Variants in PLXNA2 observed in about 807,000 individuals in gnomAD.
PLXNA2 encodes plexin-A2.
In PLXNA2, 91 loss-of-function variants were observed where a neutral mutation model predicts 193.5. The ratio of observed to expected loss-of-function variants is 0.47; its 90% CI spans 0.40 to 0.56. The LOEUF is 0.56. Among genes scored for constraint, PLXNA2 ranks in the 20% least tolerant of loss-of-function variants. PLXNA2 has a pLI of 0.00. For synonymous variants in PLXNA2, 997 were observed against 1,027.3 expected (o/e 0.97, Z 0.56); for missense variants, 1,995 against 2,503.2 (o/e 0.80, Z 4.33).
intron 12 of PLXNA2, among the ~76,000 whole-genome samples, chr1:208,078,099 A>G (rs1027863160): frequency 6.6e-6 from 1 of 152,202 alleles, no homozygotes; most frequent in African/African-American, 2.4e-5. Flanking sequence ...TCTGCCACTT[A>G]TCAGCGGTAT....
At chr1:208,154,528 C>T (rs2102503438) in intron 3 of PLXNA2, among the ~76,000 whole-genome samples, 1 of 152,186 alleles carries the variant, frequency 6.6e-6, no homozygotes, top group Admixed American at 6.5e-5. Context: ...GCATGGATGA[C>T]CAAGGACTAA....
intron 12 of PLXNA2, among the ~76,000 whole-genome samples, chr1:208,069,550 G>T (rs73083065): frequency 0.27 from 40,813 of 152,100 alleles, 5,602 homozygotes; most frequent in East Asian, 0.36. Context: ...GATGCGAAGG[G>T]CTGCACTGGG....
intron 4 of PLXNA2, among the ~76,000 whole-genome samples, chr1:208,131,539 G>T (rs1401259268): frequency 6.6e-6 from 1 of 152,186 alleles, no homozygotes; most frequent in Non-Finnish European, 1.5e-5. Flanking sequence ...GCTCTGGGGT[G>T]TCATTCCGGG....
At chr1:208,060,892 C>T in intron 12 of PLXNA2, 55 bp from the exon 13 acceptor site, 2 of 1,550,160 alleles carry the variant, frequency 1.3e-6, no homozygotes, top group South Asian at 1.1e-5. Flanking sequence ...ACAGAAACAG[C>T]AGCACCCTTC....
At chr1:208,029,174 G>T (rs1259441941) in intron 29 of PLXNA2, 132 bp from the exon 30 acceptor site, 3 of 1,466,226 alleles carry the variant, frequency 2.0e-6, no homozygotes, top group Non-Finnish European at 2.7e-6. Flanking sequence ...GAAGAAAATG[G>T]GTCCAGCCAG....
intron 3 of PLXNA2, among the ~76,000 whole-genome samples, chr1:208,158,778 TAA>T (rs1039377489): frequency 1.3e-5 from 2 of 152,194 alleles, no homozygotes; most frequent in African/African-American, 4.8e-5. Context: ...AGTTTGTTGT[TAA>T]AAGAGATTTG....
chr1:208,067,016 C>G (rs770670133), intron 12 of PLXNA2, among the ~76,000 whole-genome samples: 1 of 152,068 alleles, frequency 6.6e-6, no homozygotes. Flanking sequence ...TACAAAGAGT[C>G]AAAAGGTTAA....
At chr1:208,100,947 C>T (rs1046046046) in intron 5 of PLXNA2, among the ~76,000 whole-genome samples, 22 of 152,334 alleles carry the variant, frequency 1.4e-4, no homozygotes, top group African/African-American at 5.3e-4. Context: ...CTAGTGATTC[C>T]ACAATCAAGC....
chr1:208,067,240 A>G (rs572499470), intron 12 of PLXNA2, among the ~76,000 whole-genome samples: 46 of 151,782 alleles, frequency 3.0e-4, no homozygotes, highest in Middle Eastern at 3.4e-3. Flanking sequence ...GCTACTCGGG[A>G]GGCTGAGGCA....
chr1:208,184,568 T>C (rs1669940567), intron 3 of PLXNA2, among the ~76,000 whole-genome samples: 1 of 152,058 alleles, frequency 6.6e-6, no homozygotes, highest in Non-Finnish European at 1.5e-5. Flanking sequence ...AGGCTGGGGA[T>C]GAAGCAAGCA....
At chr1:208,186,913 G>T (rs1670025453) in intron 3 of PLXNA2, among the ~76,000 whole-genome samples, 1 of 150,456 alleles carries the variant, frequency 6.6e-6, no homozygotes, top group Admixed American at 6.6e-5. Flanking sequence ...AGTAGAGACG[G>T]GGTTTCACCT....
intron 9 of PLXNA2, among the ~76,000 whole-genome samples, chr1:208,090,632 G>A (rs1013129746): frequency 6.6e-6 from 1 of 152,278 alleles, no homozygotes; most frequent in East Asian, 1.9e-4. Context: ...TCAGCTGCAG[G>A]TCGCTTTCAG....
rs1234331334 is a variant in PLXNA2, at chr1:208,023,913, T to C, written c.*3330A>G. The stretch of plus-strand genomic sequence containing the variant: ...ACAGCTGATCCATGCTTTTAATGAC[T>C]GAACTCTGTAAAGAGGGGAACCCTC... On this transcript the variant is annotated 3_prime_UTR_variant, in exon 32 of 32. Transcript: ENST00000367033. 1 of 152,248 alleles carries C rather than the reference T, an allele frequency of 6.6e-6. No individual in the cohort carries two copies. Among genetic ancestry groups the C allele is most frequent in the Non-Finnish European group, 1.5e-5 (1 of 68,056 alleles). The allele number at this position is 152,248 out of a possible 1,614,324, so 9.4% of individuals were successfully genotyped here. A position where few individuals can be genotyped will look rare whatever the true frequency, so the allele number is the denominator to read the frequency against.
At chr1:208,107,861 T>C (rs1667324698) in intron 4 of PLXNA2, among the ~76,000 whole-genome samples, 1 of 152,082 alleles carries the variant, frequency 6.6e-6, no homozygotes, top group Non-Finnish European at 1.5e-5. Context: ...CCTATGGCCT[T>C]CTCCCCAGGA....
rs772055485 is a variant in PLXNA2, at chr1:208,060,829, C to A, written c.2595G>T (p.Thr865=). The A allele has an allele frequency of 1.2e-6, 2 of 1,613,758 alleles. No homozygotes were observed. The highest frequency in any genetic ancestry group is 1.7e-6 in the Non-Finnish European group (2 of 1,179,850). ...CSNPQITEIL[T]VSGPPEGGTR... The stretch of plus-strand genomic sequence containing the variant: ...TCCCTCCTTCCGGCGGTCCAGACAC[C>A]GTCAAAATCTGCAGGAGGGAAATGG... Residue 865 remains threonine, a synonymous_variant, in exon 13 of 32, where the codon ACG becomes ACT. Coordinates refer to ENST00000367033, the MANE Select transcript of PLXNA2 (RefSeq NM_025179.4).
intron 3 of PLXNA2, among the ~76,000 whole-genome samples, chr1:208,182,616 T>C (rs965617474): frequency 1.3e-5 from 2 of 151,944 alleles, no homozygotes; most frequent in Admixed American, 6.6e-5. Context: ...CGTCTCCTCA[T>C]TTTGCAGATA....
chr1:208,142,962 G>T (rs1333170738), intron 3 of PLXNA2, among the ~76,000 whole-genome samples: 1 of 152,124 alleles, frequency 6.6e-6, no homozygotes, highest in Non-Finnish European at 1.5e-5. Context: ...ATCCCAGGAG[G>T]GTCTTTCAGC....
In PLXNA2 at chr1:208,044,525, G is replaced by C. The variant is rs1377022266; in HGVS notation, c.3857C>G (p.Ala1286Gly). 6.2e-7 allele frequency: 1 copy of C among 1,613,742 alleles called. No homozygotes were observed. Among genetic ancestry groups the C allele is most frequent in the Non-Finnish European group, 8.5e-7 (1 of 1,179,680 alleles). ...MQMDNLESRV[A>G]LECKEAFAEL... ...CCACTAACCTTCCTTGCACTCCAAG[G>C]CCACACGGGACTCCAGATTGTCCAT... The change falls in exon 20 of 32, where the codon GCC becomes GGC. Residue 1286 changes from alanine (A) to glycine (G), a missense_variant. Transcript: ENST00000367033. This position sits in a 1 kb window ranked among gnomAD's most constrained non-coding sequence, Gnocchi z 4.9.
chr1:208,031,473 C>T (rs1664501333), intron 29 of PLXNA2, 117 bp downstream of exon 29: 12 of 1,401,432 alleles, frequency 8.6e-6, no homozygotes, highest in Non-Finnish European at 1.1e-5. Flanking sequence ...AGCTTTGGAT[C>T]ACCCAGCCCC....
Sources: allele counts gnomAD v4.1 joint callset (sites outside exome capture counted in the v4.1 genomes callset), GRCh38; gene constraint gnomAD v4.1.1; non-coding constraint Gnocchi (gnomAD v3.1); transcripts MANE v1.5; gene names NCBI Gene and HGNC (gene_info 2026-07-23, HGNC 2026-07-21).